The following NFATC2 variants were observed in gnomAD, a reference collection of about 807,000 sequenced individuals.
NFATC2 encodes the protein nuclear factor of activated T-cells, cytoplasmic 2.
Under a neutral mutation model 87.3 loss-of-function variants are expected in NFATC2, and 22 were observed. That is an observed-to-expected ratio of 0.25 (90% CI 0.18 to 0.36). The LOEUF (loss-of-function observed/expected upper bound fraction) is 0.36. Ranked by LOEUF, NFATC2 falls within the 10% of genes least tolerant of loss-of-function variation. The probability of loss-of-function intolerance (pLI) is 1.00; values close to 1 mark genes in which losing one functional copy is unlikely to be tolerated. For synonymous variants in NFATC2, 565 were observed against 542.2 expected, an observed-to-expected ratio of 1.04 and a Z score of -0.58; for missense variants, 1,149 against 1,259.1, an observed-to-expected ratio of 0.91 and a Z score of 1.32.
At chr20:51,504,038 T>C (rs1202900011) in intron 3 of NFATC2, among the ~76,000 whole-genome samples, 2 of 151,954 alleles carry the variant, frequency 1.3e-5, no homozygotes, top group Admixed American at 6.6e-5. Context: ...TTTGCTTGTT[T>C]TGAGATGGAG....
chr20:51,490,017 C>T (rs1600855854), intron 3 of NFATC2, among the ~76,000 whole-genome samples: 2 of 152,292 alleles, frequency 1.3e-5, no homozygotes, highest in South Asian at 4.1e-4. Flanking sequence ...GCTTTCTAAA[C>T]ATTTAAAATT....
At chr20:51,391,673 C>T (rs184664421) in intron 10 of NFATC2, among the ~76,000 whole-genome samples, 1 of 151,862 alleles carries the variant, frequency 6.6e-6, no homozygotes, top group Non-Finnish European at 1.5e-5. Flanking sequence ...CGCCACCACA[C>T]CTGACTACAT....
intron 5 of NFATC2, among the ~76,000 whole-genome samples, chr20:51,468,242 G>A (rs986282961): frequency 1.3e-5 from 2 of 152,164 alleles, no homozygotes; most frequent in African/African-American, 2.4e-5. Flanking sequence ...TGGTGGTTAC[G>A]TGGGTATATG....
intron 9 of NFATC2, among the ~76,000 whole-genome samples, chr20:51,426,338 C>T (rs532542269): frequency 1.7e-4 from 26 of 152,176 alleles, no homozygotes; most frequent in African/African-American, 5.5e-4. Context: ...ATTAGCCAGG[C>T]GTGCTGGCAG....
rs1985975733 is a variant in NFATC2, at chr20:51,388,276, G to C, written c.*3220C>G. ...TACTAAATTAGTTATTTTGGGGGGA[G>C]GATCTAGACACTTGATGATTCTCAG... On this transcript the variant is annotated 3_prime_UTR_variant, in exon 11 of 11. Coordinates refer to ENST00000371564, the MANE Select transcript of NFATC2 (RefSeq NM_012340.5). 6.6e-6 allele frequency: 1 copy of C among 152,108 alleles called. No individual in the cohort carries two copies. The allele number at this position is 152,108 out of a possible 1,614,324, so 9.4% of individuals were successfully genotyped here.
intron 5 of NFATC2, among the ~76,000 whole-genome samples, chr20:51,472,487 A>C (rs1409760288): frequency 6.6e-6 from 1 of 152,134 alleles, no homozygotes; most frequent in Non-Finnish European, 1.5e-5. Context: ...TCCAGCAAAA[A>C]GGAAAAAAAA....
chr20:51,507,105 T>C (rs1385858261), intron 3 of NFATC2, among the ~76,000 whole-genome samples: 6 of 152,206 alleles, frequency 3.9e-5, no homozygotes, highest in African/African-American at 1.4e-4. Context: ...TGGGGCGTGA[T>C]GCTGCTGCCA....
At chr20:51,551,611 TG>T (rs1394907960) in intron 1 of NFATC2, among the ~76,000 whole-genome samples, 1 of 151,304 alleles carries the variant, frequency 6.6e-6, no homozygotes, top group Non-Finnish European at 1.5e-5. Flanking sequence ...GGTCTCACTA[TG>T]TTGCCTAGGT....
chr20:51,419,011 A>G (rs1192826001), intron 9 of NFATC2, among the ~76,000 whole-genome samples: 1 of 150,678 alleles, frequency 6.6e-6, no homozygotes, highest in African/African-American at 2.5e-5. Flanking sequence ...TATAATATAT[A>G]TTTATTTCAC....
rs999900124 is a variant in NFATC2, at chr20:51,521,328, A to T, written c.1160+1753T>A. On this transcript the variant is annotated intron_variant, in intron 2 of 10. Coordinates refer to ENST00000371564, the MANE Select transcript of NFATC2 (RefSeq NM_012340.5). ...ATTTAGGTACTCAATTTTTATTTTT[A>T]TTTTTTTTTTGAGGTGGAGTCTCAC... Among the ~76,000 whole-genome samples the T allele has an allele frequency of 1.1e-4, 16 of 149,972 alleles. No homozygotes were observed. The South Asian group carries it at 1.3e-3, about 12-fold the overall frequency.
At chr20:51,431,819 G>T (rs1362787018) in intron 9 of NFATC2, among the ~76,000 whole-genome samples, 2 of 152,012 alleles carry the variant, frequency 1.3e-5, no homozygotes, top group African/African-American at 4.8e-5. Flanking sequence ...CTTTTTCTAT[G>T]GGGGCGATTC....
intron 3 of NFATC2, among the ~76,000 whole-genome samples, chr20:51,505,138 C>A (rs1429649394): frequency 6.6e-6 from 1 of 150,902 alleles, no homozygotes; most frequent in Admixed American, 6.6e-5. Flanking sequence ...CTCAGCCTCC[C>A]GAGTAGCTGG....
At chr20:51,400,426 C>T (rs926129048) in intron 9 of NFATC2, among the ~76,000 whole-genome samples, 3 of 150,170 alleles carry the variant, frequency 2.0e-5, no homozygotes, top group Non-Finnish European at 4.4e-5. Context: ...TCTCTCCAAA[C>T]CTTCAAACAC....
intron 9 of NFATC2, among the ~76,000 whole-genome samples, chr20:51,412,919 AAGG>A (rs1406634560): frequency 6.6e-6 from 1 of 151,422 alleles, no homozygotes; most frequent in Non-Finnish European, 1.5e-5. Flanking sequence ...GGAGAAGGAG[AAGG>A]AGAAGCACAG....
intron 2 of NFATC2, among the ~76,000 whole-genome samples, chr20:51,519,915 A>T (rs1049559398): frequency 1.7e-5 from 2 of 116,436 alleles, no homozygotes; most frequent in Admixed American, 1.6e-4. Context: ...GACTCCATCT[A>T]AAAAAAAAAA....
rs187691621 is a variant in NFATC2 at position 51,451,109 on chromosome 20, C to T, written c.1849+3439G>A. ...TCAGTGTAAATAGAAACCACTCAGT[C>T]AACAGAGCCCTGTGTGGCTGGATCA... On this transcript the variant is annotated intron_variant, in intron 6 of 10. Transcript: ENST00000371564. 5.9e-5 allele frequency among the ~76,000 whole-genome samples: 9 copies of T among 152,288 alleles called. No individual in the cohort carries two copies. In the East Asian group the frequency reaches 7.7e-4, roughly 13 times the overall value.
At chr20:51,391,732 T>A (rs1178684159) in intron 10 of NFATC2, among the ~76,000 whole-genome samples, 1 of 152,132 alleles carries the variant, frequency 6.6e-6, no homozygotes, top group Non-Finnish European at 1.5e-5. Flanking sequence ...CCCAGGCTGG[T>A]CTCAAACTCC....
At chr20:51,398,588 A>T in intron 10 of NFATC2, 55 bp downstream of exon 10, 1 of 1,316,782 alleles carries the variant, frequency 7.6e-7, no homozygotes, top group Non-Finnish European at 1.1e-6. Flanking sequence ...AAAAAATTCA[A>T]GTTAAGGAAA....
intron 3 of NFATC2, among the ~76,000 whole-genome samples, chr20:51,484,527 T>A (rs1989544090): frequency 6.6e-6 from 1 of 152,194 alleles, no homozygotes; most frequent in South Asian, 2.1e-4. Context: ...CACACAGGTG[T>A]CCAACGAGCG....
Sources: gnomAD v4.1 joint callset for allele counts (sites outside exome capture counted in the v4.1 genomes callset) on GRCh38, gnomAD v4.1.1 for gene constraint, MANE v1.5 for transcripts, NCBI Gene and HGNC (gene_info 2026-07-23, HGNC 2026-07-21) for gene names.